The following FSTL5 variants were observed in gnomAD, a reference collection of about 807,000 sequenced individuals.
FSTL5 encodes the protein follistatin like 5, also known as follistatin-related protein 5.
A neutral mutation model predicts 89.1 loss-of-function variants in FSTL5; 62 were observed. That is an observed-to-expected ratio of 0.70 (90% CI 0.57 to 0.86). The LOEUF is 0.86. FSTL5 is among the 40% of genes least tolerant of loss of function. The pLI is 0.00. For synonymous variants in FSTL5, 383 were observed against 346.2 expected (o/e 1.11, Z -1.18); for missense variants, 1,057 against 1,001.6 (o/e 1.06, Z -0.75).
At chr4:161,573,876 T>C (rs1490074872) in intron 8 of FSTL5, among the ~76,000 whole-genome samples, 1 of 152,126 alleles carries the variant, frequency 6.6e-6, no homozygotes, top group African/African-American at 2.4e-5. Context: ...CACAAACTTA[T>C]TCTCTTATAT....
intron 2 of FSTL5, among the ~76,000 whole-genome samples, chr4:162,070,752 T>C (rs1365682843): frequency 6.6e-6 from 1 of 151,760 alleles, no homozygotes; most frequent in Non-Finnish European, 1.5e-5. Context: ...AATGTATTCA[T>C]GTTCTGAAAG....
chr4:162,069,759 C>CAT (rs1289272663), intron 2 of FSTL5, among the ~76,000 whole-genome samples: 1 of 151,948 alleles, frequency 6.6e-6, no homozygotes, highest in Non-Finnish European at 1.5e-5. Flanking sequence ...TTCCAATATG[C>CAT]ATATATGTCA....
intron 7 of FSTL5, among the ~76,000 whole-genome samples, chr4:161,654,609 G>A (rs1736452803): frequency 6.6e-6 from 1 of 152,060 alleles, no homozygotes; most frequent in South Asian, 2.1e-4. Context: ...GAAGCTCTAT[G>A]TTTTTGATAT....
At chr4:161,906,804 C>A (rs1480166182) in intron 4 of FSTL5, among the ~76,000 whole-genome samples, 1 of 151,844 alleles carries the variant, frequency 6.6e-6, no homozygotes. Context: ...GTTCCTGTTG[C>A]TGAAATAATT....
intron 8 of FSTL5, among the ~76,000 whole-genome samples, chr4:161,573,980 C>T (rs576388253): frequency 1.3e-5 from 2 of 152,116 alleles, no homozygotes; most frequent in South Asian, 4.1e-4. Flanking sequence ...GGATAATCCA[C>T]GTTCATGCAT....
At position 161,510,530 on chromosome 4, in the gene FSTL5, A is replaced by C. The variant is rs1730618858; in HGVS notation, c.1313-106T>G. On this transcript the variant is annotated intron_variant, in intron 10 of 15. Coordinates refer to ENST00000306100, the MANE Select transcript of FSTL5 (RefSeq NM_020116.5). ...AAAGATGTCAAATATCTATGATAGAATGTGTATATAAACGTAGTGAAGTTA... is the reference window on the plus strand; with the variant it reads ...AAAGATGTCAAATATCTATGATAGACTGTGTATATAAACGTAGTGAAGTTA... 7.8e-6 allele frequency: 5 copies of C among 643,528 alleles called. No individual in the cohort carries two copies. The East Asian group carries it at 1.2e-4, about 16-fold the overall frequency. 39.9% of individuals were successfully genotyped at this position (643,528 alleles called of 1,614,324 possible).
chr4:161,599,154 T>C (rs1007245473), intron 7 of FSTL5, among the ~76,000 whole-genome samples: 1 of 152,130 alleles, frequency 6.6e-6, no homozygotes, highest in African/African-American at 2.4e-5. Flanking sequence ...AAAAGTCATG[T>C]ACTGAAAATG....
At chr4:161,753,201 A>G (rs1176821545) in intron 6 of FSTL5, among the ~76,000 whole-genome samples, 1 of 152,172 alleles carries the variant, frequency 6.6e-6, no homozygotes, top group East Asian at 1.9e-4. Context: ...ACCTACTTGA[A>G]CCACAATATT....
chr4:161,547,035 C>T (rs1170285645), intron 8 of FSTL5, among the ~76,000 whole-genome samples: 1 of 152,042 alleles, frequency 6.6e-6, no homozygotes, highest in Non-Finnish European at 1.5e-5. Context: ...TTCTCTTGCT[C>T]TTGCAGAATT....
chr4:162,070,242 T>A (rs1266663840), intron 2 of FSTL5, among the ~76,000 whole-genome samples: 2 of 151,874 alleles, frequency 1.3e-5, no homozygotes, highest in Non-Finnish European at 2.9e-5. Flanking sequence ...TTGCATTGAG[T>A]TCCTTGGATA....
At chr4:161,916,484 C>G (rs1733842818) in intron 4 of FSTL5, among the ~76,000 whole-genome samples, 1 of 152,000 alleles carries the variant, frequency 6.6e-6, no homozygotes, top group South Asian at 2.1e-4. Flanking sequence ...GCAGAACTGT[C>G]TCATCACAAA....
At chr4:161,731,483 T>A (rs1739609960) in intron 6 of FSTL5, among the ~76,000 whole-genome samples, 2 of 152,004 alleles carry the variant, frequency 1.3e-5, no homozygotes, top group African/African-American at 2.4e-5. Flanking sequence ...CAACTCCCCC[T>A]TTACTCTCTC....
intron 3 of FSTL5, among the ~76,000 whole-genome samples, chr4:161,922,936 A>G (rs1402747455): frequency 1.3e-5 from 2 of 151,918 alleles, no homozygotes; most frequent in African/African-American, 4.8e-5. Flanking sequence ...CATTAGTTTG[A>G]AGGTGTCTCT....
At chr4:162,144,777 A>C (rs1426739441) in intron 1 of FSTL5, among the ~76,000 whole-genome samples, 1 of 152,094 alleles carries the variant, frequency 6.6e-6, no homozygotes, top group Admixed American at 6.6e-5. Context: ...GTGGTTCATT[A>C]AATTTTTTTA....
chr4:161,449,977 G>T (rs1733106187), intron 15 of FSTL5, among the ~76,000 whole-genome samples: 1 of 152,064 alleles, frequency 6.6e-6, no homozygotes, highest in Non-Finnish European at 1.5e-5. Flanking sequence ...ACACTTTGTG[G>T]CCTTCCTGGT....
At chr4:162,139,840 T>C (rs1322188310) in intron 1 of FSTL5, among the ~76,000 whole-genome samples, 1 of 152,044 alleles carries the variant, frequency 6.6e-6, no homozygotes, top group African/African-American at 2.4e-5. Flanking sequence ...TGTCACTACA[T>C]CAAAGGATGC....
At chr4:161,628,504 TATAAC>T (rs1257973379) in intron 7 of FSTL5, among the ~76,000 whole-genome samples, 7 of 152,210 alleles carry the variant, frequency 4.6e-5, no homozygotes, top group Non-Finnish European at 2.9e-5. Flanking sequence ...AATTAATATA[TATAAC>T]ATAATATCAG....
intron 15 of FSTL5, among the ~76,000 whole-genome samples, chr4:161,449,266 A>G (rs1157295878): frequency 6.6e-6 from 1 of 152,152 alleles, no homozygotes; most frequent in African/African-American, 2.4e-5. Flanking sequence ...CTACATAATC[A>G]ACCAATGAAC....
At chr4:161,813,871 T>C (rs1043006158) in intron 4 of FSTL5, among the ~76,000 whole-genome samples, 9 of 152,200 alleles carry the variant, frequency 5.9e-5, no homozygotes, top group Admixed American at 3.3e-4. Flanking sequence ...AAGTATATTT[T>C]ATAATAGTTC....
Sources: gnomAD v4.1 joint callset for allele counts (sites outside exome capture counted in the v4.1 genomes callset) on GRCh38, gnomAD v4.1.1 for gene constraint, MANE v1.5 for transcripts, NCBI Gene and HGNC (gene_info 2026-07-23, HGNC 2026-07-21) for gene names.